Variants in ZNF804B observed in about 807,000 individuals in gnomAD.
ZNF804B encodes zinc finger 804B.
In ZNF804B, 80 loss-of-function variants were observed where a neutral mutation model predicts 101.4. The ratio of observed to expected loss-of-function variants is 0.79; its 90% CI spans 0.66 to 0.95. The LOEUF is 0.95. Ranked by LOEUF, ZNF804B falls within the 40% of genes least tolerant of loss-of-function variation. ZNF804B has a pLI of 0.00. For missense variants in ZNF804B, 1,673 were observed against 1,561.9 expected, an observed-to-expected ratio of 1.07 and a Z score of -1.20; for synonymous variants, 622 against 558.8, an observed-to-expected ratio of 1.11 and a Z score of -1.59.
chr7:89,326,840 A>G (rs1439827755), intron 2 of ZNF804B, among the ~76,000 whole-genome samples: 1 of 151,976 alleles, frequency 6.6e-6, no homozygotes, highest in East Asian at 1.9e-4. Context: ...AAATATCTCC[A>G]TCCAGAAAAA....
intron 2 of ZNF804B, among the ~76,000 whole-genome samples, chr7:89,277,462 A>G (rs1252475397): frequency 1.2e-5 from 1 of 84,994 alleles, no homozygotes; most frequent in African/African-American, 5.2e-5. Context: ...ATATCTCCCA[A>G]TGCTATCCCT....
At chr7:89,000,420 G>A (rs1193011599) in intron 1 of ZNF804B, among the ~76,000 whole-genome samples, 1 of 151,904 alleles carries the variant, frequency 6.6e-6, no homozygotes, top group Admixed American at 6.6e-5. Context: ...TACATCAGGT[G>A]TTTACTTATT....
chr7:88,993,387 G>A (rs904519246), intron 1 of ZNF804B, among the ~76,000 whole-genome samples: 14 of 152,008 alleles, frequency 9.2e-5, no homozygotes, highest in Non-Finnish European at 1.3e-4. Context: ...GTTTTGCAAA[G>A]TGAGGATAAG....
chr7:88,921,151 T>C (rs1792712769), intron 1 of ZNF804B, among the ~76,000 whole-genome samples: 1 of 152,032 alleles, frequency 6.6e-6, no homozygotes, highest in Non-Finnish European at 1.5e-5. Flanking sequence ...GGTGGAAGGA[T>C]GGTGGAATTG....
At position 89,336,517 on chromosome 7, in the gene ZNF804B, C is replaced by A. The variant is rs780067516; in HGVS notation, c.3535C>A (p.Arg1179=). ...GAAGCAACTCCTATCAAAGCATCTT[C>A]GAGTTTTGCCTGCTGCAGGGCCTAC... The part of the protein sequence containing the change: ...MQKQLLSKHL[R]VLPAAGPTAF... Residue 1179 remains arginine (R), a synonymous_variant, in exon 4 of 4, where the codon CGA becomes AGA. Coordinates refer to ENST00000333190, the MANE Select transcript of ZNF804B (RefSeq NM_181646.5). 3 of 1,613,968 alleles carry A rather than the reference C, an allele frequency of 1.9e-6. No homozygotes were observed. The highest frequency in any genetic ancestry group is 1.7e-6 in the Non-Finnish European group (2 of 1,180,016).
At chr7:88,894,843 G>A (rs1427832335) in intron 1 of ZNF804B, among the ~76,000 whole-genome samples, 1 of 152,062 alleles carries the variant, frequency 6.6e-6, no homozygotes, top group Non-Finnish European at 1.5e-5. Flanking sequence ...GGTTTGGGGA[G>A]GGGGGTGGTT....
At chr7:89,075,347 A>G (rs772123533) in intron 1 of ZNF804B, among the ~76,000 whole-genome samples, 3 of 152,154 alleles carry the variant, frequency 2.0e-5, no homozygotes, top group African/African-American at 7.2e-5. Context: ...GCTGCGTGCC[A>G]TCTAGGGACT....
chr7:89,001,764 T>C (rs1788292697), intron 1 of ZNF804B, among the ~76,000 whole-genome samples: 3 of 151,926 alleles, frequency 2.0e-5, no homozygotes. Context: ...GATAATCTTA[T>C]AGTATTGAGA....
intron 1 of ZNF804B, among the ~76,000 whole-genome samples, chr7:89,111,963 G>A (rs1790224021): frequency 6.6e-6 from 1 of 152,024 alleles, no homozygotes; most frequent in Non-Finnish European, 1.5e-5. Context: ...AAATTAGGCA[G>A]AGTGGTGGGG....
chr7:89,214,775 T>C (rs1045191169), intron 1 of ZNF804B, among the ~76,000 whole-genome samples: 3 of 152,142 alleles, frequency 2.0e-5, no homozygotes, highest in African/African-American at 7.2e-5. Context: ...AACTAATGAG[T>C]GTAAGACCCA....
intron 2 of ZNF804B, among the ~76,000 whole-genome samples, chr7:89,275,840 C>A (rs908876120): frequency 6.6e-6 from 1 of 151,756 alleles, no homozygotes. Flanking sequence ...ATATCCCCAT[C>A]GCCTAGAAAT....
intron 1 of ZNF804B, among the ~76,000 whole-genome samples, chr7:88,951,929 C>A (rs1044990397): frequency 2.0e-5 from 3 of 151,756 alleles, no homozygotes; most frequent in Non-Finnish European, 2.9e-5. Context: ...GGGTGAATTT[C>A]TCTTTATTTA....
At chr7:89,049,842 TCTCTA>T (rs1481684213) in intron 1 of ZNF804B, among the ~76,000 whole-genome samples, 1 of 151,920 alleles carries the variant, frequency 6.6e-6, no homozygotes, top group Non-Finnish European at 1.5e-5. Flanking sequence ...TGAAACTTCA[TCTCTA>T]CTAAAAATAC....
chr7:88,837,057 A>G (rs1791224131), intron 1 of ZNF804B, among the ~76,000 whole-genome samples: 1 of 151,992 alleles, frequency 6.6e-6, no homozygotes, highest in African/African-American at 2.4e-5. Flanking sequence ...AAGTCCTCAT[A>G]AAGTTTTTCT....
chr7:88,921,211 T>C (rs746953378), intron 1 of ZNF804B, among the ~76,000 whole-genome samples: 4 of 151,704 alleles, frequency 2.6e-5, no homozygotes, highest in African/African-American at 4.8e-5. Context: ...GGAGAGCGAG[T>C]TGGGAGAATG....
chr7:89,234,540 C>G (rs1789249088), intron 2 of ZNF804B, among the ~76,000 whole-genome samples: 1 of 152,042 alleles, frequency 6.6e-6, no homozygotes, highest in South Asian at 2.1e-4. Flanking sequence ...GCTGGTGAAG[C>G]ATTGTTTTTG....
At chr7:89,146,389 T>C (rs1202027485) in intron 1 of ZNF804B, among the ~76,000 whole-genome samples, 3 of 152,024 alleles carry the variant, frequency 2.0e-5, no homozygotes, top group Non-Finnish European at 4.4e-5. Flanking sequence ...AGTGAATGCA[T>C]TGAAATTATG....
At chr7:88,926,746 C>G (rs1033279927) in intron 1 of ZNF804B, among the ~76,000 whole-genome samples, 1 of 152,062 alleles carries the variant, frequency 6.6e-6, no homozygotes, top group African/African-American at 2.4e-5. Flanking sequence ...CATCTTTCCC[C>G]ATACCCAACA....
rs572844421 is a variant in ZNF804B at position 88,873,619 on chromosome 7, T to A, written c.108+113535T>A. On this transcript the variant is annotated intron_variant, in intron 1 of 3. Coordinates refer to ENST00000333190, the MANE Select transcript of ZNF804B (RefSeq NM_181646.5). ...TGGTTTTAGGTTGAATGTTTAAGTC[T>A]TTAATCCATCTTGAATTGATTTTTA... Among the ~76,000 whole-genome samples, 368 of 152,330 alleles carry A rather than the reference T, an allele frequency of 2.4e-3. 2 individuals are homozygous for A. Among genetic ancestry groups the A allele is most frequent in the African/African-American group, 8.5e-3 (353 of 41,572 alleles).
Sources: allele counts gnomAD v4.1 joint callset (sites outside exome capture counted in the v4.1 genomes callset), GRCh38; gene constraint gnomAD v4.1.1; transcripts MANE v1.5; gene names NCBI Gene and HGNC (gene_info 2026-07-23, HGNC 2026-07-21).